The following NMNAT2 variants were observed in gnomAD, a reference collection of about 807,000 sequenced individuals.
The protein encoded by NMNAT2 is nicotinamide/nicotinic acid mononucleotide adenylyltransferase 2.
Under a neutral mutation model 41.6 loss-of-function variants are expected in NMNAT2, and 11 were observed. The ratio of observed to expected loss-of-function variants is 0.26; its 90% CI spans 0.17 to 0.44. The LOEUF is 0.44. Among genes scored for constraint, NMNAT2 ranks in the 20% least tolerant of loss-of-function variants. The pLI is 1.00. For missense variants in NMNAT2, 288 were observed against 407.7 expected (o/e 0.71, Z 2.53); for synonymous variants, 148 against 151.2 (o/e 0.98, Z 0.16).
In NMNAT2 at chr1:183,418,317, G is replaced by T; in HGVS notation, c.-50C>A. The T allele has an allele frequency of 6.5e-7, 1 of 1,537,650 alleles. No individual in the cohort carries two copies. The highest frequency in any genetic ancestry group is 1.1e-5 in the South Asian group (1 of 89,528). ...GTCTAGGGGTTGCCTCTCTTTTTGT[G>T]TCTCGTTGTGTCTGCAGAGGGAGAA... On this transcript the variant is annotated 5_prime_UTR_variant, in exon 1 of 11. Coordinates refer to ENST00000287713, the MANE Select transcript of NMNAT2 (RefSeq NM_015039.4).
At position 183,398,208 on chromosome 1, in the gene NMNAT2, G is replaced by A. The variant is rs1036842349; in HGVS notation, c.85+19975C>T. ...ACACATAGGCTCAAAATACAGGGACGGAGGAAGATCTACCAAGCAAATGGA... is the reference window on the plus strand; with the variant it reads ...ACACATAGGCTCAAAATACAGGGACAGAGGAAGATCTACCAAGCAAATGGA... On this transcript the variant is annotated intron_variant, in intron 1 of 10. Transcript: ENST00000287713. Among the ~76,000 whole-genome samples the A allele has an allele frequency of 7.2e-5, 11 of 152,226 alleles. No homozygotes were observed. In the South Asian group the frequency reaches 1.9e-3, roughly 26 times the overall value.
chr1:183,318,684 C>T (rs890086198), intron 1 of NMNAT2, among the ~76,000 whole-genome samples: 7 of 152,158 alleles, frequency 4.6e-5, no homozygotes, highest in African/African-American at 4.8e-5. Context: ...CCAGAGGCCA[C>T]GGGCTCCATC....
At chr1:183,417,686 C>T (rs1649294540) in intron 1 of NMNAT2, among the ~76,000 whole-genome samples, 1 of 152,228 alleles carries the variant, frequency 6.6e-6, no homozygotes, top group African/African-American at 2.4e-5. Flanking sequence ...GCCCCAGCCC[C>T]TGTCACCGGT....
At chr1:183,303,889 C>T (rs1477702144) in intron 1 of NMNAT2, among the ~76,000 whole-genome samples, 2 of 152,228 alleles carry the variant, frequency 1.3e-5, no homozygotes, top group African/African-American at 2.4e-5. Context: ...TGGATTTCCT[C>T]TCCACAGGGA....
intron 1 of NMNAT2, among the ~76,000 whole-genome samples, chr1:183,301,471 G>A (rs1232743515): frequency 6.6e-6 from 1 of 152,218 alleles, no homozygotes; most frequent in African/African-American, 2.4e-5. Context: ...CCAAAATGAG[G>A]TCTATTTTTG....
chr1:183,254,854 C>T (rs1383043562), intron 10 of NMNAT2, among the ~76,000 whole-genome samples: 1 of 152,162 alleles, frequency 6.6e-6, no homozygotes, highest in African/African-American at 2.4e-5. Flanking sequence ...TATTTTTTCT[C>T]AATCCCTAGG....
chr1:183,380,864 A>G (rs1394400691), intron 1 of NMNAT2, among the ~76,000 whole-genome samples: 1 of 152,196 alleles, frequency 6.6e-6, no homozygotes, highest in Non-Finnish European at 1.5e-5. Flanking sequence ...TCAAAGCCAA[A>G]CAATGTCTTC....
chr1:183,380,963 T>C (rs1275268243), intron 1 of NMNAT2, among the ~76,000 whole-genome samples: 1 of 152,072 alleles, frequency 6.6e-6, no homozygotes, highest in Non-Finnish European at 1.5e-5. Context: ...AAGGTCGATC[T>C]AGAGGCAGTG....
chr1:183,308,883 A>G (rs1293850752), intron 1 of NMNAT2, among the ~76,000 whole-genome samples: 1 of 152,196 alleles, frequency 6.6e-6, no homozygotes, highest in Non-Finnish European at 1.5e-5. Flanking sequence ...GGAGCTTTGT[A>G]GCCCCTGAGG....
chr1:183,331,491 C>G (rs1312805162), intron 1 of NMNAT2, among the ~76,000 whole-genome samples: 3 of 152,212 alleles, frequency 2.0e-5, no homozygotes, highest in African/African-American at 7.2e-5. Context: ...CAAGGGGCAG[C>G]CAAGGGAATC....
intron 10 of NMNAT2, among the ~76,000 whole-genome samples, chr1:183,258,058 A>C (rs1443045051): frequency 2.0e-5 from 3 of 152,114 alleles, no homozygotes; most frequent in Admixed American, 6.5e-5. Context: ...CAAGAGTATG[A>C]ATTCTCTTCC....
chr1:183,394,947 C>T (rs1220606862), intron 1 of NMNAT2, among the ~76,000 whole-genome samples: 3 of 152,168 alleles, frequency 2.0e-5, no homozygotes, highest in South Asian at 2.1e-4. Flanking sequence ...CTCAGAGATC[C>T]AGCCAGCCCA....
At chr1:183,286,591 A>T (rs970304214) in intron 5 of NMNAT2, 71 bp downstream of exon 5, 2 of 1,368,684 alleles carry the variant, frequency 1.5e-6, no homozygotes, top group African/African-American at 2.9e-5. Context: ...GGTGGATCCC[A>T]GTAGTCATTA....
chr1:183,269,528 A>T (rs1488073612), intron 8 of NMNAT2, among the ~76,000 whole-genome samples: 1 of 152,260 alleles, frequency 6.6e-6, no homozygotes, highest in Non-Finnish European at 1.5e-5. Flanking sequence ...GGTACAGTAC[A>T]TCAGCGACTG....
chr1:183,295,897 G>A (rs1279251462), intron 1 of NMNAT2, among the ~76,000 whole-genome samples: 1 of 152,032 alleles, frequency 6.6e-6, no homozygotes, highest in Non-Finnish European at 1.5e-5. Context: ...CCCCTAAGCT[G>A]GAGTGCAGTG....
intron 1 of NMNAT2, among the ~76,000 whole-genome samples, chr1:183,409,962 A>G (rs904717319): frequency 3.9e-5 from 6 of 152,138 alleles, no homozygotes; most frequent in African/African-American, 9.7e-5. Flanking sequence ...TCACTTATGT[A>G]TTTCCTCAAC....
chr1:183,311,945 G>C (rs1662132893), intron 1 of NMNAT2, among the ~76,000 whole-genome samples: 1 of 152,022 alleles, frequency 6.6e-6, no homozygotes, highest in Non-Finnish European at 1.5e-5. Context: ...AGATCTGATG[G>C]TATTATAAGG....
At chr1:183,332,585 T>C (rs1226434803) in intron 1 of NMNAT2, among the ~76,000 whole-genome samples, 3 of 152,094 alleles carry the variant, frequency 2.0e-5, no homozygotes, top group African/African-American at 7.2e-5. Context: ...GGGTTGAAAG[T>C]GAGATGCAAT....
At chr1:183,309,387 G>A (rs1237321603) in intron 1 of NMNAT2, among the ~76,000 whole-genome samples, 3 of 152,146 alleles carry the variant, frequency 2.0e-5, no homozygotes, top group Admixed American at 6.5e-5. Context: ...GAGCAAGAGC[G>A]GAGCCAGTGA....
Sources: gnomAD v4.1 joint callset for allele counts (sites outside exome capture counted in the v4.1 genomes callset) on GRCh38, gnomAD v4.1.1 for gene constraint, MANE v1.5 for transcripts, NCBI Gene and HGNC (gene_info 2026-07-23, HGNC 2026-07-21) for gene names.